Variants in OLA1 observed in about 807,000 individuals in gnomAD.
The protein encoded by OLA1 is obg-like ATPase 1.
In OLA1, 14 loss-of-function variants were observed where a neutral mutation model predicts 48.4. The ratio of observed to expected loss-of-function variants is 0.29; its 90% CI spans 0.19 to 0.45. The LOEUF is 0.45. Ranked by LOEUF, OLA1 falls within the 20% of genes least tolerant of loss-of-function variation. The pLI, the probability that OLA1 is intolerant of heterozygous loss-of-function variation, is 1.00. For missense variants in OLA1, 325 were observed against 467.1 expected (o/e 0.70, Z 2.80); for synonymous variants, 127 against 150.4 (o/e 0.84, Z 1.14).
At position 174,153,533 on chromosome 2, in the gene OLA1, G is replaced by A. The variant is rs188034461; in HGVS notation, c.374-11533C>T. Among the ~76,000 whole-genome samples the A allele has an allele frequency of 2.2e-3, 332 of 150,748 alleles. 2 individuals carry two copies. The highest frequency in any genetic ancestry group is 3.6e-3 in the Non-Finnish European group (246 of 67,814). On this transcript the variant is annotated intron_variant, in intron 4 of 10. Transcript: ENST00000284719. ...GCAACACATTACAATATTATACAGT[G>A]TAATTCTTCTAAATGTACAGAACAC...
chr2:174,200,582 T>TC (rs375720258), intron 4 of OLA1, among the ~76,000 whole-genome samples: 94 of 152,126 alleles, frequency 6.2e-4, no homozygotes, highest in African/African-American at 2.0e-3. Flanking sequence ...TTGAAGAGAT[T>TC]CCCCTGGAAC....
intron 5 of OLA1, among the ~76,000 whole-genome samples, chr2:174,132,523 C>T (rs2105373774): frequency 6.6e-6 from 1 of 152,060 alleles, no homozygotes; most frequent in East Asian, 1.9e-4. Flanking sequence ...CATTAGAAAA[C>T]AACAAATTTG....
chr2:174,147,240 G>A (rs1233957290), intron 4 of OLA1, among the ~76,000 whole-genome samples: 1 of 151,882 alleles, frequency 6.6e-6, no homozygotes, highest in Non-Finnish European at 1.5e-5. Context: ...CAGCCTGACC[G>A]ACATGGAGAA....
chr2:174,226,633 G>A (rs2105453768), intron 3 of OLA1, among the ~76,000 whole-genome samples: 1 of 152,190 alleles, frequency 6.6e-6, no homozygotes, highest in Non-Finnish European at 1.5e-5. Context: ...CTGAGTAGCT[G>A]GGATTACAGC....
intron 2 of OLA1, among the ~76,000 whole-genome samples, chr2:174,242,675 C>T (rs1689031373): frequency 6.6e-6 from 1 of 152,164 alleles, no homozygotes; most frequent in African/African-American, 2.4e-5. Flanking sequence ...TTCTGATGCT[C>T]TTAATTGAAC....
chr2:174,159,643 TATATA>T (rs1179831383), intron 4 of OLA1, among the ~76,000 whole-genome samples: 1 of 152,230 alleles, frequency 6.6e-6, no homozygotes, highest in East Asian at 1.9e-4. Context: ...TGTTACTGCT[TATATA>T]ATAAATAAAA....
chr2:174,154,367 C>T (rs1686820113), intron 4 of OLA1, among the ~76,000 whole-genome samples: 1 of 152,160 alleles, frequency 6.6e-6, no homozygotes, highest in African/African-American at 2.4e-5. Flanking sequence ...CCATCACCAA[C>T]TCTCCAGAAA....
intron 4 of OLA1, among the ~76,000 whole-genome samples, chr2:174,160,550 A>G (rs763877782): frequency 2.0e-5 from 3 of 152,234 alleles, no homozygotes; most frequent in Non-Finnish European, 4.4e-5. Context: ...TTAAAGATGA[A>G]TACTTCCCAG....
chr2:174,092,119 C>A (rs1685138694), intron 7 of OLA1, among the ~76,000 whole-genome samples: 1 of 114,726 alleles, frequency 8.7e-6, no homozygotes, highest in Non-Finnish European at 1.8e-5. Context: ...AAGAGCAAAA[C>A]TCCATCTCAA....
chr2:174,151,564 C>T (rs1686746228), intron 4 of OLA1, among the ~76,000 whole-genome samples: 1 of 152,060 alleles, frequency 6.6e-6, no homozygotes, highest in Admixed American at 6.5e-5. Context: ...TTATTAAATA[C>T]AATGTTAGAA....
At position 174,160,381 on chromosome 2, in the gene OLA1, A is replaced by G. The variant is rs1413705557; in HGVS notation, c.374-18381T>C. On this transcript the variant is annotated intron_variant, in intron 4 of 10. Coordinates refer to ENST00000284719, the MANE Select transcript of OLA1 (RefSeq NM_013341.5). ...GATTTCAGAAATGCATTAACAAGGC[A>G]TATAAATGCCAGTACATTTCAAACA... Among the ~76,000 whole-genome samples the G allele has an allele frequency of 2.6e-5, 4 of 152,244 alleles. No homozygotes were observed. The East Asian group carries it at 7.7e-4, about 29-fold the overall frequency.
chr2:174,215,932 T>TGCTGTAAAA (rs1393147344), intron 4 of OLA1, among the ~76,000 whole-genome samples: 16 of 152,178 alleles, frequency 1.1e-4, no homozygotes, highest in African/African-American at 3.9e-4. Context: ...AATCGTGTAT[T>TGCTGTAAAA]GCTGTAAAAA....
chr2:174,139,603 A>C (rs1002548694), intron 5 of OLA1, among the ~76,000 whole-genome samples: 2 of 152,230 alleles, frequency 1.3e-5, no homozygotes, highest in Non-Finnish European at 2.9e-5. Flanking sequence ...ACAGTGGCTC[A>C]CGCCTGTAAT....
At chr2:174,145,380 C>T (rs1327490716) in intron 4 of OLA1, among the ~76,000 whole-genome samples, 3 of 151,996 alleles carry the variant, frequency 2.0e-5, no homozygotes, top group African/African-American at 4.8e-5. Context: ...CACACTTTTA[C>T]CCTAGTCCAT....
intron 4 of OLA1, among the ~76,000 whole-genome samples, chr2:174,203,588 A>C (rs1688038807): frequency 6.6e-6 from 1 of 151,492 alleles, no homozygotes; most frequent in Admixed American, 6.6e-5. Context: ...GGCAGAAGCC[A>C]CTGTGCCTGG....
At chr2:174,239,581 C>T (rs1364170378) in intron 2 of OLA1, among the ~76,000 whole-genome samples, 4 of 151,666 alleles carry the variant, frequency 2.6e-5, no homozygotes, top group African/African-American at 9.7e-5. Flanking sequence ...ACTAAGGAAA[C>T]AAAACACTTA....
intron 5 of OLA1, among the ~76,000 whole-genome samples, chr2:174,132,733 G>GT (rs1338083054): frequency 1.3e-5 from 2 of 152,090 alleles, no homozygotes; most frequent in Middle Eastern, 6.8e-3. Flanking sequence ...TTTGAAATTT[G>GT]TTTAATTGTT....
At chr2:174,182,375 A>C (rs1009771990) in intron 4 of OLA1, among the ~76,000 whole-genome samples, 1 of 152,030 alleles carries the variant, frequency 6.6e-6, no homozygotes, top group African/African-American at 2.4e-5. Flanking sequence ...AAATACAAAA[A>C]ATTAGCCAGG....
chr2:174,153,788 T>A (rs542925002), intron 4 of OLA1, among the ~76,000 whole-genome samples: 1 of 152,362 alleles, frequency 6.6e-6, no homozygotes, highest in South Asian at 2.1e-4. Flanking sequence ...AGCATTCGGC[T>A]TTCAACAAGA....
Sources: allele counts gnomAD v4.1 joint callset (sites outside exome capture counted in the v4.1 genomes callset), GRCh38; gene constraint gnomAD v4.1.1; transcripts MANE v1.5; gene names NCBI Gene and HGNC (gene_info 2026-07-23, HGNC 2026-07-21).